IFT46: variants seen among roughly 807,000 people sequenced by gnomAD.
IFT46 encodes the protein intraflagellar transport protein 46 homolog.
IFT46 carries 19 observed loss-of-function variants against 39.6 expected under a neutral mutation model. The observed-to-expected ratio is 0.48, with a 90% CI of 0.33 to 0.70. The LOEUF (loss-of-function observed/expected upper bound fraction) is 0.70. Among genes scored for constraint, IFT46 ranks in the 30% least tolerant of loss-of-function variants. IFT46 has a pLI of 0.01. For missense variants in IFT46, 334 were observed against 364.8 expected, an observed-to-expected ratio of 0.92 and a Z score of 0.69; for synonymous variants, 117 against 134.8, an observed-to-expected ratio of 0.87 and a Z score of 0.91.
chr11:118,552,277 G>T lies in IFT46; in HGVS notation c.542C>A (p.Thr181Lys). 1 of 1,614,172 alleles carries T rather than the reference G, an allele frequency of 6.2e-7. No individual in the cohort carries two copies. The highest frequency in any genetic ancestry group is 8.5e-7 in the Non-Finnish European group (1 of 1,180,004). ...TAATTCAGAGATGCTCTCAATCCAC[G>T]TGTCAATGGCTTTGGGATTCTTTTC... ...DAEKNPKAIDTWIESISELHR... is the reference protein window; with the variant it reads ...DAEKNPKAIDKWIESISELHR... Residue 181 changes from threonine (T) to lysine (K), a missense_variant, in exon 8 of 12, where the codon ACG becomes AAG. Coordinates refer to ENST00000264021, the MANE Select transcript of IFT46 (RefSeq NM_001168618.2).
chr11:118,558,450 C>T (rs1937914953), intron 3 of IFT46, among the ~76,000 whole-genome samples: 2 of 152,068 alleles, frequency 1.3e-5, no homozygotes, highest in South Asian at 4.2e-4. Context: ...CAAAAATTAG[C>T]CAGGCGTGGT....
At chr11:118,573,832 G>A (rs1555072957), upstream of IFT46, 4 of 478,960 alleles carry the variant, frequency 8.4e-6, no homozygotes, top group Admixed American at 1.5e-4. Flanking sequence ...TTTTGTGTTG[G>A]ACACAAAATT....
chr11:118,561,390 T>A, intron 2 of IFT46: 1 of 834,982 alleles, frequency 1.2e-6, no homozygotes, highest in South Asian at 1.3e-5. Flanking sequence ...ACTCCAGACA[T>A]GATGGAAGAG....
intron 4 of IFT46, 84 bp from the exon 5 acceptor site, chr11:118,555,406 A>T: frequency 1.0e-6 from 1 of 979,084 alleles, no homozygotes; most frequent in South Asian, 1.4e-5. Context: ...GTTACTGACT[A>T]TAGGGACATG....
chr11:118,556,319 G>A (rs1378304563), intron 4 of IFT46, among the ~76,000 whole-genome samples: 7 of 152,032 alleles, frequency 4.6e-5, no homozygotes, highest in Non-Finnish European at 5.9e-5. Flanking sequence ...GTGAAACCTC[G>A]TCTCTATTAA....
chr11:118,573,612 G>A (rs1938409758), upstream of IFT46: 1 of 693,744 alleles, frequency 1.4e-6, no homozygotes, highest in Non-Finnish European at 2.6e-6. Context: ...TTATTCTTTT[G>A]TCAATAGATA....
At chr11:118,546,300 C>G (rs1555067137) in intron 9 of IFT46, 7 of 620,312 alleles carry the variant, frequency 1.1e-5, no homozygotes, top group Non-Finnish European at 8.8e-6. Context: ...GAGTTCGAGA[C>G]CAGCCTGGGC....
chr11:118,555,003 T>C lies in IFT46; in HGVS notation c.341A>G (p.Asp114Gly). 2.5e-6 allele frequency: 4 copies of C among 1,611,534 alleles called. No individual in the cohort carries two copies. The highest frequency in any genetic ancestry group is 3.4e-6 in the Non-Finnish European group (4 of 1,177,674). The change falls in exon 6 of 12, where the codon GAT becomes GGT. Residue 114 changes from aspartate (D) to glycine (G), a missense_variant. Physicochemically the swap from Asp to Gly is moderately conservative, Grantham distance 94. Coordinates refer to ENST00000264021, the MANE Select transcript of IFT46 (RefSeq NM_001168618.2). The part of the protein sequence containing the change: ...PDFIPAVGDI[D>G]AFLKVPRPDG... ...TACTGACTATACCTTTAAGAATGCA[T>C]CAATATCCCCGACAGCTGGGATAAA...
chr11:118,546,119 G>A (rs1299811694), intron 9 of IFT46: 2 of 718,410 alleles, frequency 2.8e-6, no homozygotes, highest in African/African-American at 3.5e-5. Flanking sequence ...GTCCTTATAG[G>A]AAGAAGAAAT....
rs1330181013 is a variant in IFT46 at position 118,556,986 on chromosome 11, G to A, written c.105C>T (p.Asp35=). The A allele has an allele frequency of 5.6e-6, 9 of 1,611,564 alleles. No homozygotes were observed. Among genetic ancestry groups the A allele is most frequent in the African/African-American group, 1.3e-5 (1 of 74,750 alleles). Residue 35 remains aspartate (D), a synonymous_variant, in exon 4 of 12, where the codon GAC becomes GAT. Transcript: ENST00000264021. ...PQRGFSENED[D]DDDDDDSSET... ...CAGATGAATCATCATCATCATCATC[G>A]TCATCCTCATTTTCACTAAAGCCCC...
chr11:118,563,158 C>T (rs1938119084), intron 2 of IFT46, among the ~76,000 whole-genome samples: 1 of 151,302 alleles, frequency 6.6e-6, no homozygotes, highest in Non-Finnish European at 1.5e-5. Flanking sequence ...ACCTTAAGAA[C>T]ATCACAATAA....
chr11:118,560,829 C>T (rs1555070465), intron 2 of IFT46: 1 of 752,020 alleles, frequency 1.3e-6, no homozygotes, highest in African/African-American at 1.7e-5. Context: ...TACAACACAC[C>T]CAAATATAAG....
chr11:118,575,003 G>A (rs1476109843), upstream of IFT46, among the ~76,000 whole-genome samples: 3 of 151,978 alleles, frequency 2.0e-5, no homozygotes, highest in Admixed American at 6.6e-5. Flanking sequence ...TTTTCGAGAC[G>A]GATTCTCGCT....
intron 9 of IFT46, chr11:118,546,545 C>T (rs1951691208): frequency 4.8e-6 from 1 of 208,910 alleles, no homozygotes; most frequent in Admixed American, 5.2e-5. Context: ...TGATCTTGGA[C>T]TACTACTGGA....
At chr11:118,566,366 A>G (rs1053614373), upstream of IFT46, among the ~76,000 whole-genome samples, 4 of 152,192 alleles carry the variant, frequency 2.6e-5, no homozygotes, top group African/African-American at 7.2e-5. Context: ...TACTTATAGC[A>G]ATAAATTATT....
rs1951641622 is a variant in IFT46, at chr11:118,545,001, G to A, written c.830C>T (p.Ala277Val). 11 of 1,609,856 alleles carry A rather than the reference G, an allele frequency of 6.8e-6. No homozygotes were observed. The East Asian group carries it at 2.5e-4, about 36-fold the overall frequency. The part of the protein sequence containing the change: ...SEFKNSQHFK[A>V]LAEGKKAFTP... The stretch of plus-strand genomic sequence containing the variant: ...GAATGCTTTCTTGCCTTCAGCGAGA[G>A]CTTTAAAATGCTGCAAGGAAGAGGA... Residue 277 changes from alanine to valine, a missense_variant, in exon 12 of 12, where the codon GCT (alanine) becomes GTT (valine). Physicochemically the swap from Ala to Val is moderately conservative, Grantham distance 64. Coordinates refer to ENST00000264021, the MANE Select transcript of IFT46 (RefSeq NM_001168618.2).
At chr11:118,551,885 C>T (rs1323016098) in intron 8 of IFT46, 33 bp from the exon 9 acceptor site, 52 of 1,582,816 alleles carry the variant, frequency 3.3e-5, no homozygotes, top group Non-Finnish European at 4.3e-5. Context: ...GAACAAGAAA[C>T]GTGAACTGAT....
At chr11:118,566,688 G>C (rs1194717869), upstream of IFT46, among the ~76,000 whole-genome samples, 1 of 152,060 alleles carries the variant, frequency 6.6e-6, no homozygotes, top group South Asian at 2.1e-4. Context: ...GCGAGACTCC[G>C]TCTCAAAAAA....
intron 9 of IFT46, among the ~76,000 whole-genome samples, chr11:118,550,559 C>T (rs923138382): frequency 3.2e-4 from 49 of 152,024 alleles, no homozygotes; most frequent in African/African-American, 1.0e-3. Context: ...GCAATCTTCA[C>T]GCCTCAGCCT....
Sources: gnomAD v4.1 joint callset for allele counts (sites outside exome capture counted in the v4.1 genomes callset) on GRCh38, gnomAD v4.1.1 for gene constraint, MANE v1.5 for transcripts, NCBI Gene and HGNC (gene_info 2026-07-23, HGNC 2026-07-21) for gene names.